TRIT1: variants seen among roughly 807,000 people sequenced by gnomAD.
The protein encoded by TRIT1 is tRNA dimethylallyltransferase.
TRIT1 carries 43 observed loss-of-function variants against 51.2 expected under a neutral mutation model. The observed-to-expected ratio is 0.84, with a 90% CI of 0.66 to 1.08. The LOEUF (loss-of-function observed/expected upper bound fraction) is 1.08, where lower values mean the gene tolerates loss of function less well. TRIT1 is among the 50% of genes least tolerant of loss of function. TRIT1 has a pLI of 0.00. For synonymous variants in TRIT1, 184 were observed against 203.9 expected (o/e 0.90, Z 0.83); for missense variants, 528 against 578.4 (o/e 0.91, Z 0.89).
chr1:39,871,973 G>T (rs1643895495), intron 1 of TRIT1, among the ~76,000 whole-genome samples: 1 of 152,004 alleles, frequency 6.6e-6, no homozygotes. Flanking sequence ...GCACCATCAT[G>T]ACTCACTGCA....
chr1:39,880,389 T>A (rs1644220972), intron 1 of TRIT1, among the ~76,000 whole-genome samples: 1 of 151,806 alleles, frequency 6.6e-6, no homozygotes, highest in Non-Finnish European at 1.5e-5. Context: ...AAATTGAAAA[T>A]GTTATTTCAA....
At chr1:39,867,681 CT>C (rs1340325722) in intron 1 of TRIT1, among the ~76,000 whole-genome samples, 3 of 152,200 alleles carry the variant, frequency 2.0e-5, no homozygotes, top group Non-Finnish European at 2.9e-5. Flanking sequence ...TGGAGAAGCT[CT>C]GCATCCAGTC....
chr1:39,872,527 G>C (rs1643910552), intron 1 of TRIT1, among the ~76,000 whole-genome samples: 1 of 152,090 alleles, frequency 6.6e-6, no homozygotes, highest in East Asian at 1.9e-4. Flanking sequence ...TTCTTACTCT[G>C]AGAAAGAAGT....
chr1:39,843,297 G>A (rs916800531), intron 10 of TRIT1, among the ~76,000 whole-genome samples: 9 of 152,134 alleles, frequency 5.9e-5, no homozygotes, highest in African/African-American at 9.7e-5. Context: ...CTGAGTAAAC[G>A]ACAAGCCCCA....
At chr1:39,871,579 CCAAT>C (rs907719605) in intron 1 of TRIT1, among the ~76,000 whole-genome samples, 38 of 152,152 alleles carry the variant, frequency 2.5e-4, no homozygotes, top group African/African-American at 8.4e-4. Flanking sequence ...GACCCTGTCT[CCAAT>C]CAATCAATCA....
chr1:39,883,193 G>T, intron 1 of TRIT1, 125 bp downstream of exon 1: 1 of 992,028 alleles, frequency 1.0e-6, no homozygotes, highest in Non-Finnish European at 1.5e-6. Flanking sequence ...TAGTAAGTAT[G>T]GGCTCCCTTT....
intron 10 of TRIT1, 34 bp from the exon 11 acceptor site, chr1:39,841,947 A>T (rs1297381633): frequency 6.3e-7 from 1 of 1,577,840 alleles, no homozygotes. Context: ...ACAAACAAAA[A>T]AACTCATTAG....
rs1168318569 is a variant in TRIT1 at position 39,852,316 on chromosome 1, G to A, written c.560+415C>T. Among the ~76,000 whole-genome samples, 3 of 152,160 alleles carry A rather than the reference G, an allele frequency of 2.0e-5. No homozygotes were observed. In the East Asian group the frequency reaches 5.8e-4, roughly 29 times the overall value. On this transcript the variant is annotated intron_variant, in intron 4 of 10. Transcript: ENST00000316891. Reference sequence around the variant, plus strand: ...TGTGCAAAGGTGAGCTGATCTGTGAGACAGTTAATAAAATCCACCTCCCAC... The same window carrying A: ...TGTGCAAAGGTGAGCTGATCTGTGAAACAGTTAATAAAATCCACCTCCCAC...
intron 6 of TRIT1, 90 bp from the exon 7 acceptor site, chr1:39,847,750 G>T: frequency 6.3e-7 from 1 of 1,593,828 alleles, no homozygotes; most frequent in Non-Finnish European, 8.5e-7. Context: ...CATTTCATCT[G>T]TCAGATAAGG....
In TRIT1 at chr1:39,844,615, G is replaced by T. The variant is rs1356662077; in HGVS notation, c.1032C>A (p.Val344=). 6.2e-7 allele frequency: 1 copy of T among 1,613,630 alleles called. No homozygotes were observed. Among genetic ancestry groups the T allele is most frequent in the African/African-American group, 1.3e-5 (1 of 74,922 alleles). ...AGACATCAGATACCTCTAAGCCATAGACAGGGGGGACAATGGGACCAGGTC... is the reference window on the plus strand; with the variant it reads ...AGACATCAGATACCTCTAAGCCATATACAGGGGGGACAATGGGACCAGGTC... ...LSRPGPIVPP[V]YGLEVSDVSK... Residue 344 remains valine (V), a synonymous_variant, in exon 9 of 11, where the codon GTC becomes GTA. Coordinates refer to ENST00000316891, the MANE Select transcript of TRIT1 (RefSeq NM_017646.6).
chr1:39,875,488 GAA>G (rs200256933), intron 1 of TRIT1, among the ~76,000 whole-genome samples: 1 of 145,388 alleles, frequency 6.9e-6, no homozygotes, highest in Non-Finnish European at 1.5e-5. Flanking sequence ...ACTCTGTCTT[GAA>G]AAAAAAAAAT....
At chr1:39,845,244 A>G (rs1231442081) in intron 8 of TRIT1, among the ~76,000 whole-genome samples, 2 of 152,254 alleles carry the variant, frequency 1.3e-5, no homozygotes, top group African/African-American at 4.8e-5. Context: ...GAGGGTATTC[A>G]AGAAACACTC....
chr1:39,853,343 G>GT (rs1294980868), intron 3 of TRIT1, among the ~76,000 whole-genome samples: 2 of 145,706 alleles, frequency 1.4e-5, no homozygotes, highest in Non-Finnish European at 3.0e-5. Flanking sequence ...TAACGTACTG[G>GT]GTTTTTTTTA....
At chr1:39,864,462 A>G (rs1204024253) in intron 1 of TRIT1, among the ~76,000 whole-genome samples, 1 of 151,680 alleles carries the variant, frequency 6.6e-6, no homozygotes, top group Non-Finnish European at 1.5e-5. Flanking sequence ...ACAAAACATT[A>G]GCCGGGCGTG....
At chr1:39,865,363 T>C (rs1270623540) in intron 1 of TRIT1, among the ~76,000 whole-genome samples, 2 of 152,216 alleles carry the variant, frequency 1.3e-5, no homozygotes, top group African/African-American at 2.4e-5. Flanking sequence ...ATCTGCCTTT[T>C]TGTATTATGA....
chr1:39,868,085 C>G (rs1429396035), intron 1 of TRIT1, among the ~76,000 whole-genome samples: 2 of 151,850 alleles, frequency 1.3e-5, no homozygotes, highest in African/African-American at 4.8e-5. Context: ...GCTGGGACTA[C>G]AGAAGCCCGC....
intron 1 of TRIT1, among the ~76,000 whole-genome samples, chr1:39,860,384 A>C (rs1490527534): frequency 1.3e-5 from 2 of 152,262 alleles, no homozygotes; most frequent in Non-Finnish European, 2.9e-5. Flanking sequence ...GTCGTTAACT[A>C]AATCTAAAAC....
chr1:39,871,159 C>T (rs1235749227), intron 1 of TRIT1, among the ~76,000 whole-genome samples: 1 of 151,970 alleles, frequency 6.6e-6, no homozygotes, highest in African/African-American at 2.4e-5. Context: ...CACCACTGCA[C>T]CCCAGCCTGG....
chr1:39,842,234 C>T (rs1243060256), intron 10 of TRIT1, among the ~76,000 whole-genome samples: 1 of 152,160 alleles, frequency 6.6e-6, no homozygotes, highest in South Asian at 2.1e-4. Flanking sequence ...TCAGAGAGGT[C>T]TTACAAAATG....
Sources: allele counts gnomAD v4.1 joint callset (sites outside exome capture counted in the v4.1 genomes callset), GRCh38; gene constraint gnomAD v4.1.1; transcripts MANE v1.5; gene names NCBI Gene and HGNC (gene_info 2026-07-23, HGNC 2026-07-21).